BORCS5: variants seen among roughly 807,000 people sequenced by gnomAD.
The protein encoded by BORCS5 is BLOC-1 related complex subunit 5, also known as BLOC-1-related complex subunit 5.
Under a neutral mutation model 22.1 loss-of-function variants are expected in BORCS5, and 17 were observed. That is an observed-to-expected ratio of 0.77 (90% confidence interval 0.53 to 1.15). The LOEUF is 1.15. Among genes scored for constraint, BORCS5 ranks in the 50% most tolerant of loss-of-function variants. The probability of loss-of-function intolerance (pLI) is 0.00; values close to 1 mark genes in which losing one functional copy is unlikely to be tolerated. For synonymous variants in BORCS5, 117 were observed against 99.8 expected (o/e 1.17, Z -1.03); for missense variants, 247 against 253.2 (o/e 0.98, Z 0.17).
At chr12:12,391,534 C>T (rs1445250349) in intron 2 of BORCS5, among the ~76,000 whole-genome samples, 3 of 151,518 alleles carry the variant, frequency 2.0e-5, no homozygotes, top group Admixed American at 6.6e-5. Context: ...TACAGGTGCA[C>T]GCCACCATGC....
Position 12,469,920 on chromosome 12 carries a change from C to T in BORCS5, c.*4144C>T, listed in dbSNP as rs191065036. On this transcript the variant is annotated 3_prime_UTR_variant, in exon 4 of 4. Transcript: ENST00000314565. Reference sequence around the variant, plus strand: ...TCCTTTGTTAAGAACTATATAGTGCCTCTGAGGAGGTGGCATTATTGTTCA... The same window carrying T: ...TCCTTTGTTAAGAACTATATAGTGCTTCTGAGGAGGTGGCATTATTGTTCA... Among the ~76,000 whole-genome samples the T allele has an allele frequency of 1.2e-3, 189 of 152,252 alleles. No homozygotes were observed. The highest frequency in any genetic ancestry group is 2.1e-3 in the Non-Finnish European group (144 of 68,022).
chr12:12,400,741 C>G lies in BORCS5; in HGVS notation c.203-34887C>G, dbSNP rs147393485. On this transcript the variant is annotated intron_variant, in intron 2 of 3. Coordinates refer to ENST00000314565, the MANE Select transcript of BORCS5 (RefSeq NM_058169.6). Reference sequence around the variant, plus strand: ...CCCCTCCCCATCCTTTATATCCTTCCCTGATATTCCCTCCTCCTCCCACTC... The same window carrying G: ...CCCCTCCCCATCCTTTATATCCTTCGCTGATATTCCCTCCTCCTCCCACTC... Among the ~76,000 whole-genome samples, 19 of 152,234 alleles carry G rather than the reference C, an allele frequency of 1.2e-4. No individual in the cohort carries two copies. In the East Asian group the frequency reaches 3.7e-3, roughly 29 times the overall value.
intron 2 of BORCS5, among the ~76,000 whole-genome samples, chr12:12,369,759 C>T (rs1863484877): frequency 1.0e-5 from 1 of 100,472 alleles, no homozygotes; most frequent in Non-Finnish European, 1.8e-5. Flanking sequence ...AAGTCTTGCT[C>T]TGTGGCCCAG....
chr12:12,466,067 GT>G lies in BORCS5; in HGVS notation c.*306del, dbSNP rs61212144. 0.78 allele frequency: 162,412 copies of G among 208,720 alleles called. 60,586 individuals carry two copies. Among genetic ancestry groups the G allele is most frequent in the Admixed American group, 0.88 (15,176 of 17,316 alleles). 12.9% of individuals were successfully genotyped at this position (208,720 alleles called of 1,614,324 possible). ...CTGCATTGAGAATTATTTTTATTTA[GT>G]TTTTTTTTTTTTTTAATTGAGAGTA... On this transcript the variant is annotated 3_prime_UTR_variant, in exon 4 of 4. Transcript: ENST00000314565.
In BORCS5 at chr12:12,467,728, C is replaced by G. The variant is rs888206855; in HGVS notation, c.*1952C>G. ...AACTGAACTGTGTTCCCAGAATTCCCTTCCTTGTTTGTTTCTCTGGTGAGG... is the reference window on the plus strand; with the variant it reads ...AACTGAACTGTGTTCCCAGAATTCCGTTCCTTGTTTGTTTCTCTGGTGAGG... On this transcript the variant is annotated 3_prime_UTR_variant, in exon 4 of 4. Coordinates refer to ENST00000314565, the MANE Select transcript of BORCS5 (RefSeq NM_058169.6). 13 of 152,238 alleles carry G rather than the reference C, an allele frequency of 8.5e-5. No homozygotes were observed. The highest frequency in any genetic ancestry group is 2.9e-4 in the African/African-American group (12 of 41,440). The allele number at this position is 152,238 out of a possible 1,614,324, so 9.4% of individuals were successfully genotyped here.
chr12:12,406,645 CA>C (rs35161065), intron 2 of BORCS5, among the ~76,000 whole-genome samples: 88,386 of 150,152 alleles, frequency 0.59, 26,963 homozygotes, highest in African/African-American at 0.76. Context: ...AACAAACAAA[CA>C]AAAAAAAAAC....
intron 2 of BORCS5, among the ~76,000 whole-genome samples, chr12:12,417,209 T>G (rs1048153206): frequency 4.0e-4 from 61 of 152,228 alleles, no homozygotes; most frequent in African/African-American, 1.4e-3. Context: ...CCTTTGTGTT[T>G]TCTTCATTGA....
intron 2 of BORCS5, among the ~76,000 whole-genome samples, chr12:12,433,176 A>T (rs1285510284): frequency 6.6e-6 from 1 of 151,918 alleles, no homozygotes; most frequent in African/African-American, 2.4e-5. Flanking sequence ...TCTACTAAAA[A>T]ATGCAAAAAT....
At chr12:12,364,063 AAAG>A (rs1863352600) in intron 2 of BORCS5, among the ~76,000 whole-genome samples, 1 of 152,116 alleles carries the variant, frequency 6.6e-6, no homozygotes, top group African/African-American at 2.4e-5. Context: ...AAACTAGAGA[AAAG>A]AAAATGTATT....
intron 2 of BORCS5, among the ~76,000 whole-genome samples, chr12:12,373,487 A>T (rs1316410546): frequency 6.6e-6 from 1 of 152,152 alleles, no homozygotes; most frequent in African/African-American, 2.4e-5. Flanking sequence ...TGAGTGTTTC[A>T]TATATTTTTG....
chr12:12,357,535 C>G (rs766629587), intron 1 of BORCS5, 26 bp downstream of exon 1: 1 of 1,598,916 alleles, frequency 6.3e-7, no homozygotes, highest in Admixed American at 1.7e-5. Flanking sequence ...TCCCACCCTC[C>G]TCCAGCCCGC....
rs184762372 is a variant in BORCS5, at chr12:12,368,814, G to A, written c.202+7465G>A. Reference sequence around the variant, plus strand: ...TCTATACAGTCGCTTTAAATTCAGCGTATTCCATCTTCCACTTGTGTATTA... The same window carrying A: ...TCTATACAGTCGCTTTAAATTCAGCATATTCCATCTTCCACTTGTGTATTA... On this transcript the variant is annotated intron_variant, in intron 2 of 3. Transcript: ENST00000314565. 1.4e-3 allele frequency among the ~76,000 whole-genome samples: 213 copies of A among 151,940 alleles called. 1 individual carries two copies. The highest frequency in any genetic ancestry group is 2.6e-3 in the Non-Finnish European group (178 of 67,972).
At position 12,465,799 on chromosome 12, in the gene BORCS5, C is replaced by T; in HGVS notation, c.*23C>T. 1 of 1,594,862 alleles carries T rather than the reference C, an allele frequency of 6.3e-7. No individual in the cohort carries two copies. The highest frequency in any genetic ancestry group is 8.5e-7 in the Non-Finnish European group (1 of 1,169,820). On this transcript the variant is annotated 3_prime_UTR_variant, in exon 4 of 4. Coordinates refer to ENST00000314565, the MANE Select transcript of BORCS5 (RefSeq NM_058169.6). ...TAGCTGCTGCCCGGCCTGCCTGGGG[C>T]TGGGAGCCCCAGACACCGACACCCT...
chr12:12,411,444 G>GT (rs1169131152), intron 2 of BORCS5, among the ~76,000 whole-genome samples: 2 of 151,952 alleles, frequency 1.3e-5, no homozygotes, highest in Admixed American at 6.6e-5. Context: ...GTTGTTTGAG[G>GT]TTTTTTGTTG....
chr12:12,426,175 T>C (rs902396481), intron 2 of BORCS5, among the ~76,000 whole-genome samples: 3 of 152,186 alleles, frequency 2.0e-5, no homozygotes, highest in African/African-American at 7.2e-5. Flanking sequence ...CCTAGTCTGG[T>C]AAGTTCAAAC....
chr12:12,455,358 G>C (rs1279515502), intron 3 of BORCS5, among the ~76,000 whole-genome samples: 1 of 152,180 alleles, frequency 6.6e-6, no homozygotes, highest in Non-Finnish European at 1.5e-5. Flanking sequence ...TGTAGAACGA[G>C]TGCAGAGAAA....
rs990219992 is a variant in BORCS5 at position 12,374,295 on chromosome 12, G to T, written c.202+12946G>T. On this transcript the variant is annotated intron_variant, in intron 2 of 3. Coordinates refer to ENST00000314565, the MANE Select transcript of BORCS5 (RefSeq NM_058169.6). The stretch of plus-strand genomic sequence containing the variant: ...TGTGAGCCACCGCACCCGGCCAAGG[G>T]TATTCTTAGTTTAAAAGTCTTCTAT... Among the ~76,000 whole-genome samples the T allele has an allele frequency of 6.6e-5, 10 of 151,738 alleles. No homozygotes were observed. The East Asian group carries it at 1.9e-3, about 29-fold the overall frequency.
At chr12:12,423,808 C>T (rs552190197) in intron 2 of BORCS5, among the ~76,000 whole-genome samples, 8 of 152,216 alleles carry the variant, frequency 5.3e-5, no homozygotes, top group African/African-American at 1.9e-4. Context: ...CCTGCCTTAG[C>T]CTCCCAAGTA....
At position 12,402,615 on chromosome 12, in the gene BORCS5, C is replaced by G. The variant is rs187969309; in HGVS notation, c.203-33013C>G. On this transcript the variant is annotated intron_variant, in intron 2 of 3. Transcript: ENST00000314565. ...TTGCTCAACATCTGATCAGAAGCAG[C>G]TCGTTGTCATATAAGGAAATCTGCT... is the stretch of plus-strand genomic sequence containing the variant. Among the ~76,000 whole-genome samples, 330 of 152,312 alleles carry G rather than the reference C, an allele frequency of 2.2e-3. 3 individuals are homozygous for G. The highest frequency in any genetic ancestry group is 6.9e-3 in the African/African-American group (286 of 41,568).
Sources: gnomAD v4.1 joint callset for allele counts (sites outside exome capture counted in the v4.1 genomes callset) on GRCh38, gnomAD v4.1.1 for gene constraint, MANE v1.5 for transcripts, NCBI Gene and HGNC (gene_info 2026-07-23, HGNC 2026-07-21) for gene names.